Variants in FAM13B observed in about 807,000 individuals in gnomAD.
FAM13B encodes the protein family with sequence similarity 13 member B.
FAM13B carries 60 observed loss-of-function variants against 117.3 expected under a neutral mutation model. The observed-to-expected ratio is 0.51, with a 90% confidence interval of 0.42 to 0.63. The LOEUF (loss-of-function observed/expected upper bound fraction) is 0.63. Among genes scored for constraint, FAM13B ranks in the 30% least tolerant of loss-of-function variants. The probability of loss-of-function intolerance (pLI) is 0.00; values close to 1 mark genes in which losing one functional copy is unlikely to be tolerated. For synonymous variants in FAM13B, 332 were observed against 356.1 expected, an observed-to-expected ratio of 0.93 and a Z score of 0.76; for missense variants, 972 against 1,091.9, an observed-to-expected ratio of 0.89 and a Z score of 1.55.
intron 6 of FAM13B, among the ~76,000 whole-genome samples, 161 bp from the exon 7 acceptor site, chr5:138,007,308 C>T (rs1397720261): frequency 6.6e-6 from 1 of 152,136 alleles, no homozygotes; most frequent in Non-Finnish European, 1.5e-5. Context: ...TCAACTTTTT[C>T]ATATCAAAAT....
chr5:138,022,543 T>C (rs943457633), intron 1 of FAM13B, among the ~76,000 whole-genome samples: 2 of 152,144 alleles, frequency 1.3e-5, no homozygotes, highest in African/African-American at 2.4e-5. Flanking sequence ...ACAAATCTTT[T>C]AGTTGATTAT....
chr5:138,004,798 G>C (rs996631633), intron 7 of FAM13B, among the ~76,000 whole-genome samples: 8 of 151,992 alleles, frequency 5.3e-5, no homozygotes, highest in African/African-American at 1.9e-4. Flanking sequence ...GACTGCTTGA[G>C]CCCAAGAGGT....
intron 1 of FAM13B, among the ~76,000 whole-genome samples, chr5:138,044,485 G>A (rs1377119093): frequency 6.6e-6 from 1 of 151,022 alleles, no homozygotes; most frequent in Non-Finnish European, 1.5e-5. Flanking sequence ...CCAGGGGGCG[G>A]AGGTTGCAGT....
chr5:137,959,280 C>T (rs1332375024), intron 13 of FAM13B, among the ~76,000 whole-genome samples: 1 of 152,212 alleles, frequency 6.6e-6, no homozygotes, highest in Non-Finnish European at 1.5e-5. Context: ...ATCCCTAAGC[C>T]TTAACATACT....
rs1786639791 is a variant in FAM13B, at chr5:138,021,290, T to A, written c.-202-93A>T. ...GCAGCAGTACAGTCCTCTTAAGAGG[T>A]TACCTATATTGAAAGGTATTCTTCT... is the stretch of plus-strand genomic sequence containing the variant. On this transcript the variant is annotated intron_variant, in intron 1 of 23. Coordinates refer to ENST00000689681, the MANE Select transcript of FAM13B (RefSeq NM_001385994.1). The A allele has an allele frequency of 4.1e-6, 4 of 965,998 alleles. No homozygotes were observed. The East Asian group carries it at 1.3e-4, about 32-fold the overall frequency. The allele number at this position is 965,998 out of a possible 1,614,324, so 59.8% of individuals were successfully genotyped here.
intron 15 of FAM13B, 53 bp downstream of exon 15, chr5:137,954,113 G>C (rs947321614): frequency 2.6e-6 from 3 of 1,134,662 alleles, no homozygotes; most frequent in African/African-American, 3.4e-5. Flanking sequence ...TCTCTCAAAA[G>C]ACTTGGGTAC....
chr5:137,992,452 C>T (rs984534054), intron 7 of FAM13B, among the ~76,000 whole-genome samples: 3 of 151,254 alleles, frequency 2.0e-5, no homozygotes, highest in Non-Finnish European at 3.0e-5. Flanking sequence ...AAATTAGCCG[C>T]GCATGGTGAC....
chr5:138,030,718 C>CT (rs947654028), intron 1 of FAM13B, among the ~76,000 whole-genome samples: 3 of 143,666 alleles, frequency 2.1e-5, no homozygotes, highest in Admixed American at 6.9e-5. Flanking sequence ...CCGTCCCCCC[C>CT]CCCCAAAAAA....
rs578094940 is a variant in FAM13B at position 138,002,023 on chromosome 5, T to C, written c.848+4967A>G. ...CATTTAAGAATTTTGGCTCCTTCAATAGAGAGACATTAAAGGGATTTAACC... is the reference window on the plus strand; with the variant it reads ...CATTTAAGAATTTTGGCTCCTTCAACAGAGAGACATTAAAGGGATTTAACC... On this transcript the variant is annotated intron_variant, in intron 7 of 23. Transcript: ENST00000689681. Among the ~76,000 whole-genome samples the C allele has an allele frequency of 3.9e-5, 6 of 152,204 alleles. No homozygotes were observed. In the East Asian group the frequency reaches 5.8e-4, roughly 15 times the overall value.
chr5:138,014,529 T>C (rs1235375862), intron 4 of FAM13B, among the ~76,000 whole-genome samples: 1 of 152,212 alleles, frequency 6.6e-6, no homozygotes, highest in African/African-American at 2.4e-5. Context: ...TCTCCATCAG[T>C]GGAAAAACTG....
rs1774736666 is a variant in FAM13B, at chr5:137,978,657, C to G, written c.1179+6600G>C. Among the ~76,000 whole-genome samples the G allele has an allele frequency of 2.0e-5, 3 of 152,258 alleles. No homozygotes were observed. The South Asian group carries it at 6.2e-4, about 32-fold the overall frequency. The stretch of plus-strand genomic sequence containing the variant: ...CCAACTTTCAGACTCAGGAAAAAAT[C>G]CCATCCTCTTTGACATTCCCAACTG... On this transcript the variant is annotated intron_variant, in intron 10 of 23. Transcript: ENST00000689681.
chr5:138,023,904 G>A (rs567580221), intron 1 of FAM13B, among the ~76,000 whole-genome samples: 2 of 152,236 alleles, frequency 1.3e-5, no homozygotes, highest in South Asian at 4.2e-4. Context: ...CTTCTAGCTT[G>A]CGAACAGGTA....
intron 20 of FAM13B, 44 bp downstream of exon 20, chr5:137,945,858 A>G (rs1581047803): frequency 6.9e-7 from 1 of 1,443,934 alleles, no homozygotes; most frequent in African/African-American, 1.4e-5. Flanking sequence ...GGAAGAGTAC[A>G]TCTTGATAAA....
Position 137,938,652 on chromosome 5 carries a change from C to G in FAM13B, c.*1573G>C, listed in dbSNP as rs1048805694. The G allele has an allele frequency of 5.9e-5, 9 of 152,432 alleles. No homozygotes were observed. Among genetic ancestry groups the G allele is most frequent in the African/African-American group, 2.2e-4 (9 of 41,364 alleles). 9.4% of individuals were successfully genotyped at this position (152,432 alleles called of 1,614,324 possible). A position where few individuals can be genotyped will look rare whatever the true frequency, so the allele number is the denominator to read the frequency against. The stretch of plus-strand genomic sequence containing the variant: ...CACTACCAGGTTTTCCCTCACCCCC[C>G]ACCCCCCAGAAAAAGGCATTGCACA... On this transcript the variant is annotated 3_prime_UTR_variant, in exon 24 of 24. Coordinates refer to ENST00000689681, the MANE Select transcript of FAM13B (RefSeq NM_001385994.1).
At position 138,018,474 on chromosome 5, in the gene FAM13B, A is replaced by G. The variant is rs1047626211; in HGVS notation, c.198T>C (p.Asn66=). The change falls in exon 4 of 24, where the codon AAT becomes AAC. Residue 66 remains asparagine, a synonymous_variant. Transcript: ENST00000689681. ...EQQGLFQVNG[N]AETVEWLRQR... is the part of the protein sequence containing the mutation. Reference sequence around the variant, plus strand: ...GCCGAAGCCACTCCACTGTCTCAGCATTTCCATTGACTTGAAAAAGTCCTT... The same window carrying G: ...GCCGAAGCCACTCCACTGTCTCAGCGTTTCCATTGACTTGAAAAAGTCCTT... 1.2e-6 allele frequency: 2 copies of G among 1,614,026 alleles called. No individual in the cohort carries two copies. The highest frequency in any genetic ancestry group is 2.2e-5 in the East Asian group (1 of 44,886).
At chr5:137,954,535 TG>T in intron 14 of FAM13B, 159 bp from the exon 15 acceptor site, 2 of 376,704 alleles carry the variant, frequency 5.3e-6, no homozygotes, top group Non-Finnish European at 9.2e-6. Flanking sequence ...TACATGTGTG[TG>T]TGTATATATA....
chr5:138,035,013 T>TTTTTTTTTTTTTC (rs1790992966), upstream of FAM13B, among the ~76,000 whole-genome samples: 1 of 120,648 alleles, frequency 8.3e-6, no homozygotes, highest in Non-Finnish European at 1.7e-5. Flanking sequence ...TTTTTTTTTT[T>TTTTTTTTTTTTTC]TTTTTTTTTT....
In FAM13B at chr5:137,987,646, A is replaced by G. The variant is rs753840571; in HGVS notation, c.891-30T>C. 5.0e-6 allele frequency: 8 copies of G among 1,595,718 alleles called. No individual in the cohort carries two copies. The South Asian group carries it at 5.7e-5, about 11-fold the overall frequency. On this transcript the variant is annotated intron_variant, in intron 8 of 23. Coordinates refer to ENST00000689681, the MANE Select transcript of FAM13B (RefSeq NM_001385994.1). ...AAAACAACACGTTTTAGTAAGAAGC[A>G]GTCACTCTAACTGGATATCTGGTGA...
chr5:137,998,480 T>C (rs1235509871), intron 7 of FAM13B, among the ~76,000 whole-genome samples: 7 of 152,234 alleles, frequency 4.6e-5, no homozygotes, highest in Non-Finnish European at 8.8e-5. Context: ...GCTAAACTAA[T>C]CACTTTTATT....
Sources: gnomAD v4.1 joint callset for allele counts (sites outside exome capture counted in the v4.1 genomes callset) on GRCh38, gnomAD v4.1.1 for gene constraint, MANE v1.5 for transcripts, NCBI Gene and HGNC (gene_info 2026-07-23, HGNC 2026-07-21) for gene names.